The following SEMA6D variants were observed in gnomAD, a reference collection of about 807,000 sequenced individuals.
SEMA6D encodes semaphorin-6D.
In SEMA6D, 35 loss-of-function variants were observed where a neutral mutation model predicts 106.6. The observed-to-expected ratio is 0.33, with a 90% confidence interval of 0.25 to 0.44. SEMA6D has a LOEUF of 0.44. Among genes scored for constraint, SEMA6D ranks in the 20% least tolerant of loss-of-function variants. SEMA6D has a pLI of 1.00. For synonymous variants in SEMA6D, 499 were observed against 487.7 expected (o/e 1.02, Z -0.31); for missense variants, 1,185 against 1,345.9 (o/e 0.88, Z 1.87).
intron 1 of SEMA6D, among the ~76,000 whole-genome samples, chr15:47,196,291 G>A (rs1031663856): frequency 4.6e-5 from 7 of 152,094 alleles, no homozygotes; most frequent in Non-Finnish European, 5.9e-5. Context: ...GGCTCTGCCC[G>A]TTCACTGCAC....
chr15:47,504,462 C>A lies in SEMA6D; in HGVS notation c.-87+33917C>A, dbSNP rs192225290. 7.0e-3 allele frequency among the ~76,000 whole-genome samples: 1,057 copies of A among 151,916 alleles called. 5 individuals are homozygous for A. The highest frequency in any genetic ancestry group is 9.4e-3 in the Non-Finnish European group (636 of 68,004). ...GAGGGACAGCAAGGGGCGTAGGAAG[C>A]CTGCATTGCTCTATTATGGTTGATG... On this transcript the variant is annotated intron_variant, in intron 3 of 19. Transcript: ENST00000558014.
At chr15:47,273,530 A>G (rs2034657709) in intron 1 of SEMA6D, among the ~76,000 whole-genome samples, 1 of 152,192 alleles carries the variant, frequency 6.6e-6, no homozygotes, top group South Asian at 2.1e-4. Flanking sequence ...CACCAAATCA[A>G]CATAGGTAAT....
intron 1 of SEMA6D, among the ~76,000 whole-genome samples, chr15:47,399,114 A>G (rs570155504): frequency 2.6e-5 from 4 of 152,318 alleles, no homozygotes; most frequent in African/African-American, 9.6e-5. Context: ...ACTTCTATAT[A>G]TTTCCTCAGT....
At chr15:47,337,432 A>G (rs1170540509) in intron 1 of SEMA6D, among the ~76,000 whole-genome samples, 1 of 152,190 alleles carries the variant, frequency 6.6e-6, no homozygotes, top group Non-Finnish European at 1.5e-5. Context: ...AGGGCTACAA[A>G]TGGGTCTTGA....
intron 1 of SEMA6D, among the ~76,000 whole-genome samples, chr15:47,269,289 A>G (rs2899411): frequency 0.018 from 2,702 of 152,016 alleles, 93 homozygotes; most frequent in African/African-American, 0.063. Flanking sequence ...TATTAATCCT[A>G]TTTTCAGTGC....
chr15:47,253,237 C>CGTT (rs1401696302), intron 1 of SEMA6D, among the ~76,000 whole-genome samples: 6 of 152,168 alleles, frequency 3.9e-5, no homozygotes, highest in Non-Finnish European at 8.8e-5. Flanking sequence ...TTTTTGAGGT[C>CGTT]GTTATACATG....
intron 3 of SEMA6D, among the ~76,000 whole-genome samples, chr15:47,542,846 C>CAGA (rs1324515769): frequency 6.6e-6 from 1 of 152,104 alleles, no homozygotes; most frequent in Non-Finnish European, 1.5e-5. Flanking sequence ...AGGCTTAGGA[C>CAGA]AGAAGCCAGC....
intron 1 of SEMA6D, among the ~76,000 whole-genome samples, chr15:47,727,310 G>C (rs978135441): frequency 2.0e-5 from 3 of 152,194 alleles, no homozygotes; most frequent in African/African-American, 7.2e-5. Flanking sequence ...CAATGGGTCT[G>C]TTTCGCTGCG....
At chr15:47,301,115 G>A (rs1180886045) in intron 1 of SEMA6D, among the ~76,000 whole-genome samples, 1 of 152,182 alleles carries the variant, frequency 6.6e-6, no homozygotes, top group East Asian at 1.9e-4. Context: ...AATGGAGTTC[G>A]AGTTCTTGTC....
At chr15:47,740,313 G>C (rs2080729297) in intron 1 of SEMA6D, among the ~76,000 whole-genome samples, 1 of 152,120 alleles carries the variant, frequency 6.6e-6, no homozygotes, top group Non-Finnish European at 1.5e-5. Context: ...CAGGTCAAGA[G>C]ATCGAGACCA....
At chr15:47,662,679 C>G (rs542053300) in intron 4 of SEMA6D, among the ~76,000 whole-genome samples, 3 of 152,124 alleles carry the variant, frequency 2.0e-5, no homozygotes, top group Non-Finnish European at 2.9e-5. Flanking sequence ...TTAAAGAATA[C>G]ACGACTTCAG....
intron 2 of SEMA6D, among the ~76,000 whole-genome samples, chr15:47,435,218 A>G (rs1200572777): frequency 1.3e-5 from 2 of 152,094 alleles, no homozygotes; most frequent in Admixed American, 1.3e-4. Flanking sequence ...TTTTGAATGG[A>G]GAAGGAAATA....
At chr15:47,445,607 G>A (rs542475386) in intron 2 of SEMA6D, among the ~76,000 whole-genome samples, 1 of 151,986 alleles carries the variant, frequency 6.6e-6, no homozygotes, top group African/African-American at 2.4e-5. Context: ...ACTAATTTTA[G>A]CCCCTGCATA....
intron 3 of SEMA6D, among the ~76,000 whole-genome samples, chr15:47,547,417 TG>T (rs2045558095): frequency 6.6e-6 from 1 of 152,192 alleles, no homozygotes; most frequent in Non-Finnish European, 1.5e-5. Context: ...CAGAATAAAA[TG>T]TCTTGCTTTT....
At chr15:47,734,282 T>C (rs1567043553) in intron 1 of SEMA6D, among the ~76,000 whole-genome samples, 1 of 152,198 alleles carries the variant, frequency 6.6e-6, no homozygotes, top group Non-Finnish European at 1.5e-5. Flanking sequence ...TCTTCAGTGT[T>C]CACAGAGCTT....
chr15:47,557,068 G>A (rs2045936150), intron 3 of SEMA6D, among the ~76,000 whole-genome samples: 1 of 152,146 alleles, frequency 6.6e-6, no homozygotes, highest in African/African-American at 2.4e-5. Context: ...TTGTCATACA[G>A]TGTCAAGAAG....
intron 1 of SEMA6D, chr15:47,397,695 G>C (rs183063533): frequency 2.0e-5 from 3 of 152,238 alleles, no homozygotes; most frequent in African/African-American, 7.2e-5. Context: ...AGAATATTTA[G>C]TGTGGAATAA....
chr15:47,343,011 C>A (rs774330160), intron 1 of SEMA6D, among the ~76,000 whole-genome samples: 2 of 152,154 alleles, frequency 1.3e-5, no homozygotes, highest in South Asian at 2.1e-4. Flanking sequence ...CTGCGCCCAG[C>A]CCTCAAATTA....
At chr15:47,375,205 C>T (rs2039407643) in intron 1 of SEMA6D, among the ~76,000 whole-genome samples, 1 of 152,140 alleles carries the variant, frequency 6.6e-6, no homozygotes, top group African/African-American at 2.4e-5. Flanking sequence ...CTGAAAAGAT[C>T]AGTCAAGTTG....
Sources: allele counts gnomAD v4.1 joint callset (sites outside exome capture counted in the v4.1 genomes callset), GRCh38; gene constraint gnomAD v4.1.1; transcripts MANE v1.5; gene names NCBI Gene and HGNC (gene_info 2026-07-23, HGNC 2026-07-21).